The following FRY variants were observed in gnomAD, a reference collection of about 807,000 sequenced individuals.
FRY encodes protein furry homolog.
In FRY, 128 loss-of-function variants were observed where a neutral mutation model predicts 348.4. That is an observed-to-expected ratio of 0.37 (90% CI 0.32 to 0.43). FRY has a LOEUF of 0.43. Among genes scored for constraint, FRY ranks in the 20% least tolerant of loss-of-function variants. The pLI, the probability that FRY is intolerant of heterozygous loss-of-function variation, is 1.00. For missense variants in FRY, 2,736 were observed against 3,695.2 expected (o/e 0.74, Z 6.73); for synonymous variants, 1,370 against 1,374.7 (o/e 1.00, Z 0.08).
Position 32,295,689 on chromosome 13 carries a change from G to A in FRY, c.*229G>A, listed in dbSNP as rs1426031299. On this transcript the variant is annotated 3_prime_UTR_variant, in exon 61 of 61. Transcript: ENST00000542859. ...CAGACTCCACTCATCATGCTGTGTG[G>A]CACAAATGTGTTACATTTGACCGAG... The A allele has an allele frequency of 1.7e-6, 1 of 588,256 alleles. No homozygotes were observed. The highest frequency in any genetic ancestry group is 2.0e-5 in the South Asian group (1 of 48,936). The allele number at this position is 588,256 out of a possible 1,614,324, so 36.4% of individuals were successfully genotyped here.
At chr13:32,200,391 A>C (rs1272248479) in intron 29 of FRY, among the ~76,000 whole-genome samples, 1 of 152,254 alleles carries the variant, frequency 6.6e-6, no homozygotes, top group Non-Finnish European at 1.5e-5. Flanking sequence ...TTTGAAAATA[A>C]ATAGCAGTAA....
chr13:32,226,287 C>T (rs770597343), intron 39 of FRY, among the ~76,000 whole-genome samples: 2 of 152,176 alleles, frequency 1.3e-5, no homozygotes, highest in Non-Finnish European at 2.9e-5. Flanking sequence ...GTCTAGAACA[C>T]CGAAGGATGA....
intron 19 of FRY, 55 bp downstream of exon 19, chr13:32,173,604 T>G: frequency 7.6e-7 from 1 of 1,321,134 alleles, no homozygotes; most frequent in Non-Finnish European, 1.1e-6. Context: ...CTTCTGAAAT[T>G]TAGATTAAAA....
At chr13:32,264,615 C>T (rs1430332507) in intron 53 of FRY, among the ~76,000 whole-genome samples, 4 of 152,168 alleles carry the variant, frequency 2.6e-5, no homozygotes, top group African/African-American at 4.8e-5. Flanking sequence ...CCCCCTGGCC[C>T]AGGCCCAAAC....
Position 32,239,318 on chromosome 13 carries a change from T to C in FRY, c.6485T>C (p.Phe2162Ser). The C allele has an allele frequency of 6.2e-7, 1 of 1,610,046 alleles. No individual in the cohort carries two copies. Among genetic ancestry groups the C allele is most frequent in the South Asian group, 1.1e-5 (1 of 91,002 alleles). Residue 2162 changes from phenylalanine (F) to serine (S), a missense_variant, in exon 45 of 61, where the codon TTC becomes TCC. Phe to Ser is a radical substitution (Grantham distance 155). Around this residue, in one of 9 missense-constraint regions of FRY, gnomAD observed 789 missense variants for 996.2 expected, o/e 0.79. Coordinates refer to ENST00000542859, the MANE Select transcript of FRY (RefSeq NM_023037.3). The surrounding 1 kb of genome is among the most constrained non-coding windows in gnomAD (Gnocchi z 4.3). ...LIQHFENPNQ[F>S]CKDIAERIAQ... ...CAGCATTTTGAAAATCCCAATCAGT[T>C]CTGTAAGGATATAGCCGAAAGGATT...
chr13:32,155,362 T>C, intron 14 of FRY, 129 bp from the exon 15 acceptor site: 1 of 738,996 alleles, frequency 1.4e-6, no homozygotes, highest in Non-Finnish European at 2.4e-6. Context: ...TACACTCTTG[T>C]GGCTTTTAAA....
At chr13:32,118,671 T>G (rs1207464868) in intron 4 of FRY, among the ~76,000 whole-genome samples, 1 of 152,176 alleles carries the variant, frequency 6.6e-6, no homozygotes, top group Non-Finnish European at 1.5e-5. Context: ...TTTTAGTATA[T>G]TTACAGGGTT....
At chr13:32,259,785 A>G (rs1323734913) in intron 51 of FRY, among the ~76,000 whole-genome samples, 2 of 151,994 alleles carry the variant, frequency 1.3e-5, no homozygotes, top group Non-Finnish European at 1.5e-5. Context: ...TCTTTCATAT[A>G]TTGTTTTATT....
intron 28 of FRY, among the ~76,000 whole-genome samples, chr13:32,187,960 G>C (rs544995032): frequency 3.9e-5 from 6 of 152,184 alleles, no homozygotes; most frequent in African/African-American, 9.6e-5. Flanking sequence ...ATAACAAAAA[G>C]ATAATTTTAA....
At chr13:32,279,068 T>C (rs1241739715) in intron 58 of FRY, among the ~76,000 whole-genome samples, 1 of 152,192 alleles carries the variant, frequency 6.6e-6, no homozygotes, top group African/African-American at 2.4e-5. Context: ...TATGGCCCCA[T>C]GGAGGACACA....
chr13:32,238,636 G>A (rs1378925682), intron 44 of FRY, among the ~76,000 whole-genome samples: 2 of 152,044 alleles, frequency 1.3e-5, no homozygotes, highest in African/African-American at 4.8e-5. Context: ...ATTTTTAGTA[G>A]AGACGGGGTT....
chr13:32,191,439 A>T (rs994654559), intron 28 of FRY, among the ~76,000 whole-genome samples: 1 of 152,186 alleles, frequency 6.6e-6, no homozygotes, highest in African/African-American at 2.4e-5. Context: ...AATAAATAAG[A>T]TAAATACAGA....
At chr13:32,269,988 G>A (rs529664136) in intron 55 of FRY, among the ~76,000 whole-genome samples, 65 of 152,170 alleles carry the variant, frequency 4.3e-4, no homozygotes, top group African/African-American at 1.5e-3. Flanking sequence ...AACTTGAATG[G>A]GTAAATTAAT....
At chr13:32,035,707 A>G (rs1192093399) in intron 1 of FRY, among the ~76,000 whole-genome samples, 15 of 152,200 alleles carry the variant, frequency 9.9e-5, no homozygotes, top group Admixed American at 9.8e-4. Context: ...AATCCTTCCT[A>G]TAACATATGG....
intron 1 of FRY, among the ~76,000 whole-genome samples, chr13:32,034,610 C>T (rs1003560840): frequency 2.6e-5 from 4 of 152,186 alleles, no homozygotes; most frequent in East Asian, 1.9e-4. Context: ...GTGGTTCTCA[C>T]GGCTGCGGCC....
chr13:32,262,703 T>C (rs992996632), intron 53 of FRY, among the ~76,000 whole-genome samples: 1 of 152,202 alleles, frequency 6.6e-6, no homozygotes, highest in East Asian at 1.9e-4. Flanking sequence ...AAGACTTGAT[T>C]TGAGGTCTTT....
chr13:32,114,084 G>A (rs113337760), intron 3 of FRY, among the ~76,000 whole-genome samples: 1,696 of 152,232 alleles, frequency 0.011, 34 homozygotes, highest in African/African-American at 0.038. Flanking sequence ...ATGAGGTAGC[G>A]GAACATTGCA....
chr13:32,064,910 T>C (rs917453138), intron 1 of FRY, among the ~76,000 whole-genome samples: 3 of 152,226 alleles, frequency 2.0e-5, no homozygotes, highest in African/African-American at 7.2e-5. Flanking sequence ...TCATGTCATA[T>C]GATAAAAGAT....
At position 32,271,205 on chromosome 13, in the gene FRY, A is replaced by G. The variant is rs530890935; in HGVS notation, c.8137-3637A>G. ...TCCAGGTGGAAAAGGAGTACAGTGA[A>G]GTCAGACTAGCCTTTGAACCTACCT... On this transcript the variant is annotated intron_variant, in intron 55 of 60. Transcript: ENST00000542859. Among the ~76,000 whole-genome samples the G allele has an allele frequency of 2.0e-5, 3 of 152,338 alleles. No homozygotes were observed. In the East Asian group the frequency reaches 5.8e-4, roughly 29 times the overall value.
Sources: gnomAD v4.1 joint callset for allele counts (sites outside exome capture counted in the v4.1 genomes callset) on GRCh38, gnomAD v4.1.1 for gene constraint, gnomAD v4.1.1 regional missense constraint, Gnocchi (gnomAD v3.1) non-coding constraint, MANE v1.5 for transcripts, NCBI Gene and HGNC (gene_info 2026-07-23, HGNC 2026-07-21) for gene names.